LRFN2: variants seen among roughly 807,000 people sequenced by gnomAD.
LRFN2 encodes the protein leucine rich repeat and fibronectin type III domain containing 2.
A neutral mutation model predicts 37.3 loss-of-function variants in LRFN2; 18 were observed. The ratio of observed to expected loss-of-function variants is 0.48; its 90% CI spans 0.33 to 0.72. The LOEUF is 0.72. Ranked by LOEUF, LRFN2 falls within the 30% of genes least tolerant of loss-of-function variation. The pLI, the probability that LRFN2 is intolerant of heterozygous loss-of-function variation, is 0.02. For missense variants in LRFN2, 1,006 were observed against 1,060.7 expected, an observed-to-expected ratio of 0.95 and a Z score of 0.72; for synonymous variants, 556 against 466.6, an observed-to-expected ratio of 1.19 and a Z score of -2.47.
At chr6:40,531,552 A>C (rs966086073) in intron 1 of LRFN2, among the ~76,000 whole-genome samples, 7 of 152,184 alleles carry the variant, frequency 4.6e-5, no homozygotes, top group Non-Finnish European at 1.0e-4. Flanking sequence ...TCCTCCCTCC[A>C]GCAGTGGAGC....
chr6:40,554,482 G>A (rs1007557057), intron 1 of LRFN2, among the ~76,000 whole-genome samples: 2 of 152,176 alleles, frequency 1.3e-5, no homozygotes, highest in Non-Finnish European at 2.9e-5. Context: ...GAGACAAAAT[G>A]ACAGAAACAG....
At chr6:40,496,125 C>T (rs58238437) in intron 1 of LRFN2, among the ~76,000 whole-genome samples, 3,827 of 152,226 alleles carry the variant, frequency 0.025, 145 homozygotes, top group African/African-American at 0.087. Flanking sequence ...CCTCTCACAC[C>T]AAAGAGCCCA....
At chr6:40,469,206 G>A (rs1764541014) in intron 1 of LRFN2, among the ~76,000 whole-genome samples, 1 of 152,130 alleles carries the variant, frequency 6.6e-6, no homozygotes, top group Admixed American at 6.5e-5. Flanking sequence ...GGAACACCCG[G>A]AGTCATCAGA....
chr6:40,524,154 G>C (rs534161987), intron 1 of LRFN2, among the ~76,000 whole-genome samples: 2 of 152,334 alleles, frequency 1.3e-5, no homozygotes, highest in South Asian at 4.1e-4. Context: ...CACACAGAGG[G>C]AGAGATTTTA....
Position 40,392,055 on chromosome 6 carries a change from G to A in LRFN2, c.2258C>T (p.Thr753Met), listed in dbSNP as rs760154787. Residue 753 changes from threonine to methionine, a missense_variant, in exon 3 of 3, where the codon ACG becomes ATG. Thr to Met is a moderately conservative substitution (Grantham distance 81). This residue lies in a region of LRFN2 where 398 missense variants were observed against 327.6 expected (regional missense o/e 1.21). Coordinates refer to ENST00000338305, the MANE Select transcript of LRFN2 (RefSeq NM_020737.3). This position sits in a 1 kb window ranked among gnomAD's most constrained non-coding sequence, Gnocchi z 4.7. Reference protein sequence around the residue: ...SPPRKVSNIWTKRSLSVNGML... With the variant: ...SPPRKVSNIWMKRSLSVNGML... ...GCCGTTGACAGAGAGGCTGCGCTTC[G>A]TCCAGATGTTCGAGACCTTCCGAGG... is the stretch of plus-strand genomic sequence containing the variant. 13 of 1,613,922 alleles carry A rather than the reference G, an allele frequency of 8.1e-6. No homozygotes were observed. The highest frequency in any genetic ancestry group is 5.0e-5 in the Admixed American group (3 of 59,994).
chr6:40,470,017 C>T (rs1764556234), intron 1 of LRFN2, among the ~76,000 whole-genome samples: 1 of 152,212 alleles, frequency 6.6e-6, no homozygotes, highest in South Asian at 2.1e-4. Flanking sequence ...CAGTCCCTTC[C>T]TTTTGAATTC....
chr6:40,533,021 A>T (rs1474289854), intron 1 of LRFN2, among the ~76,000 whole-genome samples: 1 of 152,208 alleles, frequency 6.6e-6, no homozygotes, highest in African/African-American at 2.4e-5. Flanking sequence ...GTTAAGTGGC[A>T]CAGTGTTAAA....
At chr6:40,530,684 G>A (rs966554093) in intron 1 of LRFN2, among the ~76,000 whole-genome samples, 4 of 151,784 alleles carry the variant, frequency 2.6e-5, no homozygotes, top group African/African-American at 4.8e-5. Flanking sequence ...CACACTCCAC[G>A]TGGGGGACCT....
intron 1 of LRFN2, among the ~76,000 whole-genome samples, chr6:40,440,287 T>C (rs1202957764): frequency 1.3e-5 from 2 of 152,228 alleles, no homozygotes; most frequent in African/African-American, 4.8e-5. Flanking sequence ...GACAGCATTA[T>C]GCCTCCGTAT....
At chr6:40,435,459 C>A (rs997218049) in intron 1 of LRFN2, among the ~76,000 whole-genome samples, 1 of 152,118 alleles carries the variant, frequency 6.6e-6, no homozygotes, top group African/African-American at 2.4e-5. Context: ...CTCGCCTGGC[C>A]AATATCTTGT....
intron 1 of LRFN2, among the ~76,000 whole-genome samples, chr6:40,560,270 C>T (rs528443933): frequency 3.7e-4 from 57 of 152,266 alleles, no homozygotes; most frequent in Non-Finnish European, 6.2e-4. Flanking sequence ...CCAGCAGCAC[C>T]GGCCACCATA....
intron 2 of LRFN2, among the ~76,000 whole-genome samples, chr6:40,422,412 C>G (rs1252432391): frequency 1.3e-5 from 2 of 152,138 alleles, no homozygotes. Context: ...CGAGAATATC[C>G]AGGCACCAAC....
intron 2 of LRFN2, among the ~76,000 whole-genome samples, chr6:40,406,770 A>G (rs187239772): frequency 6.6e-6 from 1 of 152,300 alleles, no homozygotes; most frequent in Admixed American, 6.5e-5. Flanking sequence ...GTTGCTTCCC[A>G]TATTGTGAGG....
intron 1 of LRFN2, among the ~76,000 whole-genome samples, chr6:40,540,906 A>T (rs1766543305): frequency 6.6e-6 from 1 of 152,172 alleles, no homozygotes. Context: ...CAGGGCCAGA[A>T]GCGGTCTATC....
At chr6:40,504,284 C>T (rs60563663) in intron 1 of LRFN2, among the ~76,000 whole-genome samples, 1 of 152,140 alleles carries the variant, frequency 6.6e-6, no homozygotes, top group South Asian at 2.1e-4. Flanking sequence ...AGTTACTTAA[C>T]TTCTCTGGGA....
chr6:40,523,336 G>A lies in LRFN2; in HGVS notation c.-19+63605C>T, dbSNP rs1002746751. On this transcript the variant is annotated intron_variant, in intron 1 of 2. Coordinates refer to ENST00000338305, the MANE Select transcript of LRFN2 (RefSeq NM_020737.3). ...ATGCATCGCCCACCTAACTCAGCAA[G>A]AGTGGGTTTCACGCAAAATGGGGCA... Among the ~76,000 whole-genome samples the A allele has an allele frequency of 3.4e-4, 51 of 152,000 alleles. 1 individual carries two copies.
chr6:40,462,724 A>G (rs890909933), intron 1 of LRFN2, among the ~76,000 whole-genome samples: 1 of 152,142 alleles, frequency 6.6e-6, no homozygotes, highest in Non-Finnish European at 1.5e-5. Context: ...CTACATCTCC[A>G]TTTACAGATG....
intron 1 of LRFN2, among the ~76,000 whole-genome samples, chr6:40,510,389 C>A (rs1049371206): frequency 6.6e-6 from 1 of 152,184 alleles, no homozygotes; most frequent in Non-Finnish European, 1.5e-5. Flanking sequence ...ACTGATGCCT[C>A]CCTGGTCATC....
intron 2 of LRFN2, among the ~76,000 whole-genome samples, chr6:40,424,333 C>A (rs1335277887): frequency 6.6e-6 from 1 of 152,216 alleles, no homozygotes; most frequent in Non-Finnish European, 1.5e-5. Flanking sequence ...GAAATTACAG[C>A]TGGTGTCCCC....
Sources: allele counts gnomAD v4.1 joint callset (sites outside exome capture counted in the v4.1 genomes callset), GRCh38; gene constraint gnomAD v4.1.1; regional missense constraint gnomAD v4.1.1; non-coding constraint Gnocchi (gnomAD v3.1); transcripts MANE v1.5; gene names NCBI Gene and HGNC (gene_info 2026-07-23, HGNC 2026-07-21).